PSD3: variants seen among roughly 807,000 people sequenced by gnomAD.
PSD3 encodes PH and SEC7 domain-containing protein 3.
In PSD3, 49 loss-of-function variants were observed where a neutral mutation model predicts 105.5. The observed-to-expected ratio is 0.46, with a 90% CI of 0.37 to 0.59. The LOEUF is 0.59. Ranked by LOEUF, PSD3 falls within the 20% of genes least tolerant of loss-of-function variation. The pLI, the probability that PSD3 is intolerant of heterozygous loss-of-function variation, is 0.00. For synonymous variants in PSD3, 557 were observed against 457.8 expected, an observed-to-expected ratio of 1.22 and a Z score of -2.77; for missense variants, 1,561 against 1,263.8, an observed-to-expected ratio of 1.24 and a Z score of -3.57.
At chr8:18,702,913 G>A (rs570455896) in intron 9 of PSD3, among the ~76,000 whole-genome samples, 1 of 152,222 alleles carries the variant, frequency 6.6e-6, no homozygotes, top group Admixed American at 6.5e-5. Context: ...CGCTTGGACA[G>A]CTATAGGTAC....
chr8:18,984,755 G>C (rs1825417057), intron 1 of PSD3, among the ~76,000 whole-genome samples: 1 of 152,188 alleles, frequency 6.6e-6, no homozygotes, highest in South Asian at 2.1e-4. Flanking sequence ...CCATAAGACA[G>C]ACAAAAAAGA....
chr8:18,766,993 C>T (rs66546292), intron 8 of PSD3, among the ~76,000 whole-genome samples: 10,684 of 152,236 alleles, frequency 0.07, 427 homozygotes, highest in African/African-American at 0.1. Flanking sequence ...GCTGTGAAGT[C>T]ACTACAGCAT....
At chr8:18,667,866 A>G (rs958018716) in intron 9 of PSD3, among the ~76,000 whole-genome samples, 2 of 152,186 alleles carry the variant, frequency 1.3e-5, no homozygotes, top group African/African-American at 4.8e-5. Flanking sequence ...ATCTGAGTGT[A>G]GCGCCGGCAG....
chr8:18,541,030 G>A (rs1466518099), intron 15 of PSD3, among the ~76,000 whole-genome samples: 3 of 151,576 alleles, frequency 2.0e-5, no homozygotes, highest in African/African-American at 7.3e-5. Flanking sequence ...TTTCAGGTGT[G>A]CACTTTAACA....
At chr8:18,890,397 A>G (rs756081801) in intron 2 of PSD3, among the ~76,000 whole-genome samples, 1 of 152,034 alleles carries the variant, frequency 6.6e-6, no homozygotes. Flanking sequence ...AGCTTAATCT[A>G]GAGAGAAAAT....
chr8:18,782,640 G>A (rs1014103680), intron 8 of PSD3, among the ~76,000 whole-genome samples: 1 of 152,204 alleles, frequency 6.6e-6, no homozygotes, highest in African/African-American at 2.4e-5. Flanking sequence ...CGAATCCTTG[G>A]TCTTCAAGTG....
chr8:19,005,870 A>C lies in PSD3; in HGVS notation c.21+7693T>G, dbSNP rs1054441528. On this transcript the variant is annotated intron_variant, in intron 1 of 15. Transcript: ENST00000327040. ...CAACTCCATGAACATACTAAAAATC[A>C]ATGAGTGTACACTTTAAATGGGTGA... 8.6e-5 allele frequency among the ~76,000 whole-genome samples: 13 copies of C among 152,024 alleles called. No homozygotes were observed. In the East Asian group the frequency reaches 2.3e-3, roughly 27 times the overall value.
chr8:18,974,218 G>C (rs2129472226), intron 1 of PSD3, among the ~76,000 whole-genome samples: 1 of 152,266 alleles, frequency 6.6e-6, no homozygotes. Flanking sequence ...CCATGTTACA[G>C]ATAAAGAAAA....
intron 14 of PSD3, among the ~76,000 whole-genome samples, chr8:18,566,341 A>G (rs1174815758): frequency 6.6e-6 from 1 of 152,010 alleles, no homozygotes; most frequent in African/African-American, 2.4e-5. Flanking sequence ...CATTGCTAAC[A>G]CGGTGAAACC....
At chr8:18,916,823 A>T (rs2129466020) in intron 2 of PSD3, among the ~76,000 whole-genome samples, 1 of 152,264 alleles carries the variant, frequency 6.6e-6, no homozygotes, top group South Asian at 2.1e-4. Flanking sequence ...ATGAAGATAT[A>T]ATACTGTATG....
In PSD3 at chr8:18,535,774, T is replaced by C; in HGVS notation, c.3113A>G (p.Glu1038Gly). 1.2e-6 allele frequency: 2 copies of C among 1,614,060 alleles called. No individual in the cohort carries two copies. The highest frequency in any genetic ancestry group is 1.7e-6 in the Non-Finnish European group (2 of 1,179,912). ...NVSERKDHRP[E>G]TPSIKQKVT ...AACTTTTTGCTTAATGCTTGGTGTT[T>C]CAGGTCGGTGATCCTTCCTCTCTGA... The change falls in exon 16 of 16, where the codon GAA becomes GGA. Residue 1038 changes from glutamate (E) to glycine (G), a missense_variant. Glu to Gly is a moderately conservative substitution (Grantham distance 98). Transcript: ENST00000327040.
At position 19,084,227 on chromosome 8, in the gene PSD3, CG is replaced by C. The variant is rs1829735696; in HGVS notation, c.302del (p.Pro101ArgfsTer15). 2 of 433,264 alleles carry C rather than the reference CG, an allele frequency of 4.6e-6. No homozygotes were observed. The highest frequency in any genetic ancestry group is 4.0e-5 in the African/African-American group (2 of 49,880). The allele number at this position is 433,264 out of a possible 1,614,324, so 26.8% of individuals were successfully genotyped here. On this transcript the variant is annotated frameshift_variant, in exon 1 of 2. Coordinates refer to the PSD3 transcript ENST00000521475. LOFTEE classifies it high-confidence loss of function. ...TTACCTTGAGAGGCAGAGTGGCAGG[CG>C]GGGCTGGGCAGCCCTTGCTGGTGTG...
At chr8:18,806,968 C>G (rs1364912968) in intron 4 of PSD3, among the ~76,000 whole-genome samples, 2 of 152,144 alleles carry the variant, frequency 1.3e-5, no homozygotes, top group Non-Finnish European at 2.9e-5. Flanking sequence ...GTGGTAACGA[C>G]TAAACAACTC....
Position 18,629,635 on chromosome 8 carries a change from A to G in PSD3, c.2410+2978T>C, listed in dbSNP as rs180904319. Among the ~76,000 whole-genome samples, 25 of 152,114 alleles carry G rather than the reference A, an allele frequency of 1.6e-4. No individual in the cohort carries two copies. The East Asian group carries it at 3.7e-3, about 22-fold the overall frequency. ...CAGTCCCATGATTCCATTTATTGCA[A>G]TTTTAGAAAAGGCAAAAGTATAGGG... On this transcript the variant is annotated intron_variant, in intron 11 of 15. Coordinates refer to ENST00000327040, the MANE Select transcript of PSD3 (RefSeq NM_015310.4).
At chr8:18,552,267 C>T (rs963473209) in intron 15 of PSD3, among the ~76,000 whole-genome samples, 2 of 152,304 alleles carry the variant, frequency 1.3e-5, no homozygotes, top group East Asian at 3.9e-4. Context: ...TTTCCCTCTC[C>T]CTACTCAGGT....
At chr8:19,051,116 C>T (rs1320944408) in intron 1 of PSD3, among the ~76,000 whole-genome samples, 1 of 152,174 alleles carries the variant, frequency 6.6e-6, no homozygotes, top group Non-Finnish European at 1.5e-5. Context: ...CATGTCTCAC[C>T]TCTGCATAAA....
intron 1 of PSD3, among the ~76,000 whole-genome samples, chr8:19,007,709 A>G (rs1826758348): frequency 6.7e-6 from 1 of 149,678 alleles, no homozygotes; most frequent in African/African-American, 2.4e-5. Flanking sequence ...GCACGAGGTA[A>G]GCACTTAATA....
intron 4 of PSD3, among the ~76,000 whole-genome samples, chr8:18,832,271 T>C (rs562725916): frequency 2.7e-4 from 41 of 152,296 alleles, no homozygotes; most frequent in African/African-American, 9.9e-4. Flanking sequence ...GGGTTATATC[T>C]TGCTTCACGT....
At chr8:19,044,456 T>C (rs913466820) in intron 1 of PSD3, among the ~76,000 whole-genome samples, 8 of 152,364 alleles carry the variant, frequency 5.3e-5, no homozygotes, top group South Asian at 4.1e-4. Context: ...TTTAAGCCCA[T>C]TGACTAATCT....
Sources: allele counts gnomAD v4.1 joint callset (sites outside exome capture counted in the v4.1 genomes callset), GRCh38; gene constraint gnomAD v4.1.1; transcripts MANE v1.5; gene names NCBI Gene and HGNC (gene_info 2026-07-23, HGNC 2026-07-21).